PCDH9: variants seen among roughly 807,000 people sequenced by gnomAD.
PCDH9 encodes the protein protocadherin 9, also known as protocadherin-9.
A neutral mutation model predicts 70.6 loss-of-function variants in PCDH9; 24 were observed. That is an observed-to-expected ratio of 0.34 (90% CI 0.25 to 0.48). The LOEUF is 0.48. Among genes scored for constraint, PCDH9 ranks in the 20% least tolerant of loss-of-function variants. PCDH9 has a pLI of 0.99. For synonymous variants in PCDH9, 562 were observed against 558.5 expected (o/e 1.01, Z -0.09); for missense variants, 1,281 against 1,503.6 (o/e 0.85, Z 2.45).
intron 4 of PCDH9, among the ~76,000 whole-genome samples, chr13:66,444,830 G>A (rs1958041010): frequency 6.6e-6 from 1 of 151,896 alleles, no homozygotes; most frequent in African/African-American, 2.4e-5. Context: ...CAAAGTGCTG[G>A]GATTACAGGC....
At chr13:66,592,812 T>A (rs1164676444) in intron 4 of PCDH9, among the ~76,000 whole-genome samples, 1 of 151,730 alleles carries the variant, frequency 6.6e-6, no homozygotes, top group African/African-American at 2.4e-5. Context: ...ATAACAATAG[T>A]TGTTTCTTCA....
At chr13:66,660,848 C>A (rs1593853419) in intron 3 of PCDH9, among the ~76,000 whole-genome samples, 2 of 150,734 alleles carry the variant, frequency 1.3e-5, no homozygotes, top group East Asian at 3.9e-4. Context: ...ATTTTATTTT[C>A]TTTTTAAGAA....
At chr13:66,322,580 G>A (rs976612176) in intron 4 of PCDH9, among the ~76,000 whole-genome samples, 3 of 152,110 alleles carry the variant, frequency 2.0e-5, no homozygotes, top group Non-Finnish European at 4.4e-5. Flanking sequence ...ATCAGGCACA[G>A]GCCACATTGC....
intron 2 of PCDH9, among the ~76,000 whole-genome samples, chr13:67,114,248 A>T (rs552263547): frequency 5.9e-4 from 90 of 152,314 alleles, no homozygotes; most frequent in African/African-American, 2.0e-3. Context: ...AATCCATGAA[A>T]CATTAATACC....
intron 2 of PCDH9, among the ~76,000 whole-genome samples, chr13:66,958,455 C>A (rs2083296105): frequency 6.6e-6 from 1 of 152,018 alleles, no homozygotes; most frequent in African/African-American, 2.4e-5. Flanking sequence ...TTTTATGAGG[C>A]TAGAAATAAA....
intron 3 of PCDH9, among the ~76,000 whole-genome samples, chr13:66,769,916 G>A (rs1311217907): frequency 6.6e-6 from 1 of 152,052 alleles, no homozygotes. Context: ...CAGGGGCAAG[G>A]CAGGAGGGGA....
At chr13:66,825,126 G>A (rs2080795218) in intron 3 of PCDH9, 2 of 151,674 alleles carry the variant, frequency 1.3e-5, no homozygotes, top group African/African-American at 4.8e-5. Context: ...ATGTAAAAGA[G>A]AAAAGTGGTT....
At chr13:66,822,725 C>T (rs2080736095) in intron 3 of PCDH9, among the ~76,000 whole-genome samples, 1 of 151,934 alleles carries the variant, frequency 6.6e-6, no homozygotes, top group Non-Finnish European at 1.5e-5. Context: ...GAGGTTTCAC[C>T]ATGTTGGCCC....
At chr13:66,454,163 A>T (rs577531389) in intron 4 of PCDH9, among the ~76,000 whole-genome samples, 49 of 151,386 alleles carry the variant, frequency 3.2e-4, no homozygotes, top group African/African-American at 1.0e-3. Flanking sequence ...CTTTTTTTTT[A>T]AAAAAAGCAT....
intron 2 of PCDH9, chr13:67,202,019 T>C (rs901604792): frequency 6.6e-6 from 1 of 152,098 alleles, no homozygotes. Flanking sequence ...TGTAAAAATG[T>C]GGCTATTTTT....
chr13:67,188,072 T>A (rs576916185), intron 2 of PCDH9, among the ~76,000 whole-genome samples: 3 of 152,270 alleles, frequency 2.0e-5, no homozygotes, highest in Admixed American at 2.0e-4. Context: ...AAAAATTTCA[T>A]GAGAAATATA....
intron 3 of PCDH9, among the ~76,000 whole-genome samples, chr13:66,855,381 CTTGA>C (rs1223973550): frequency 3.3e-5 from 5 of 151,994 alleles, no homozygotes; most frequent in Non-Finnish European, 7.4e-5. Context: ...GTAATAATGT[CTTGA>C]TTGATTGTTT....
At chr13:66,467,463 T>C (rs923941993) in intron 4 of PCDH9, among the ~76,000 whole-genome samples, 1 of 152,048 alleles carries the variant, frequency 6.6e-6, no homozygotes, top group Non-Finnish European at 1.5e-5. Context: ...TCGACTTCAT[T>C]CTTAGATGTG....
chr13:66,424,553 T>C (rs1166999258), intron 4 of PCDH9, among the ~76,000 whole-genome samples: 1 of 151,902 alleles, frequency 6.6e-6, no homozygotes, highest in African/African-American at 2.4e-5. Context: ...AAGTCTAAAC[T>C]GAAGATAAAT....
At position 66,663,796 on chromosome 13, in the gene PCDH9, T is replaced by C. The variant is rs554400555; in HGVS notation, c.3139-32385A>G. The stretch of plus-strand genomic sequence containing the variant: ...CTCTTGTGAATTAGAGATGTGTACA[T>C]GCCTTGAAGGTTCCATGGAATCCTT... On this transcript the variant is annotated intron_variant, in intron 3 of 4. Coordinates refer to ENST00000377865, the MANE Select transcript of PCDH9 (RefSeq NM_203487.3). 1.4e-4 allele frequency among the ~76,000 whole-genome samples: 22 copies of C among 152,324 alleles called. 1 individual carries two copies. The South Asian group carries it at 4.6e-3, about 32-fold the overall frequency.
intron 3 of PCDH9, among the ~76,000 whole-genome samples, chr13:66,663,079 A>G (rs1038972746): frequency 2.0e-5 from 3 of 152,204 alleles, no homozygotes; most frequent in African/African-American, 7.2e-5. Context: ...GAATCTTAAC[A>G]CTACAGCTTA....
intron 3 of PCDH9, among the ~76,000 whole-genome samples, chr13:66,879,743 G>C (rs577897721): frequency 1.3e-5 from 2 of 151,952 alleles, no homozygotes; most frequent in Middle Eastern, 6.8e-3. Flanking sequence ...AAAAATGAAA[G>C]GAAATCTCAA....
chr13:66,634,418 CA>C (rs1264687528), intron 3 of PCDH9, among the ~76,000 whole-genome samples: 2 of 152,078 alleles, frequency 1.3e-5, no homozygotes, highest in African/African-American at 4.8e-5. Flanking sequence ...TGCAGAAAAA[CA>C]AAGACCAATA....
At chr13:66,811,810 C>A (rs1457723620) in intron 3 of PCDH9, among the ~76,000 whole-genome samples, 2 of 149,956 alleles carry the variant, frequency 1.3e-5, no homozygotes. Flanking sequence ...TTCTTTCCTT[C>A]TTCCTTTCTT....
Sources: gnomAD v4.1 joint callset for allele counts (sites outside exome capture counted in the v4.1 genomes callset) on GRCh38, gnomAD v4.1.1 for gene constraint, MANE v1.5 for transcripts, NCBI Gene and HGNC (gene_info 2026-07-23, HGNC 2026-07-21) for gene names.